The following SCNN1B variants were observed in gnomAD, a reference collection of about 807,000 sequenced individuals.
SCNN1B encodes the protein epithelial sodium channel subunit beta.
In SCNN1B, 46 loss-of-function variants were observed where a neutral mutation model predicts 65.3. The observed-to-expected ratio is 0.70, with a 90% CI of 0.56 to 0.90. The LOEUF (loss-of-function observed/expected upper bound fraction) is 0.90, where lower values mean the gene tolerates loss of function less well. Ranked by LOEUF, SCNN1B falls within the 40% of genes least tolerant of loss-of-function variation. The probability of loss-of-function intolerance (pLI) is 0.00; values close to 1 mark genes in which losing one functional copy is unlikely to be tolerated. For synonymous variants in SCNN1B, 349 were observed against 330.6 expected, an observed-to-expected ratio of 1.06 and a Z score of -0.60; for missense variants, 751 against 830.5, an observed-to-expected ratio of 0.90 and a Z score of 1.18.
chr16:23,358,887 A>G (rs116836247), intron 4 of SCNN1B, among the ~76,000 whole-genome samples: 4,675 of 152,370 alleles, frequency 0.031, 249 homozygotes, highest in African/African-American at 0.11. Context: ...CGCCTGGGCG[A>G]CAGGGGGAGA....
chr16:23,311,625 G>A (rs1388390056), intron 1 of SCNN1B, among the ~76,000 whole-genome samples: 1 of 152,186 alleles, frequency 6.6e-6, no homozygotes, highest in Non-Finnish European at 1.5e-5. Flanking sequence ...CAAGGACTAA[G>A]TTTGCACCCC....
intron 7 of SCNN1B, among the ~76,000 whole-genome samples, chr16:23,374,430 C>T (rs562987350): frequency 1.3e-5 from 2 of 148,632 alleles, no homozygotes; most frequent in East Asian, 2.0e-4. Context: ...AAAAATCAGC[C>T]GGGGGTGGTG....
chr16:23,367,320 CAG>C (rs527548172), intron 4 of SCNN1B, among the ~76,000 whole-genome samples: 44 of 152,242 alleles, frequency 2.9e-4, no homozygotes, highest in African/African-American at 1.0e-3. Flanking sequence ...GTTTTAGAGA[CAG>C]GGTCTCACTC....
chr16:23,301,534 A>C (rs546092777), upstream of SCNN1B, among the ~76,000 whole-genome samples: 1 of 152,352 alleles, frequency 6.6e-6, no homozygotes, highest in African/African-American at 2.4e-5. Context: ...GGAGAAATAT[A>C]CAGGAAACTA....
In SCNN1B at chr16:23,358,967, C is replaced by T. The variant is rs1596870170; in HGVS notation, c.776+3478C>T. ...AGGAATGCAAATTCAATAATTATGC[C>T]AACATTTACTGGGCCTTTCTCGTCC... On this transcript the variant is annotated intron_variant, in intron 4 of 12. Coordinates refer to ENST00000343070, the MANE Select transcript of SCNN1B (RefSeq NM_000336.3). Among the ~76,000 whole-genome samples the T allele has an allele frequency of 3.3e-5, 5 of 152,328 alleles. 1 individual carries two copies. Among genetic ancestry groups the T allele is most frequent in the Admixed American group, 3.3e-4 (5 of 15,294 alleles).
chr16:23,305,522 C>A (rs1227824054), intron 1 of SCNN1B, among the ~76,000 whole-genome samples: 1 of 1,872 alleles, frequency 5.3e-4, no homozygotes, highest in Non-Finnish European at 8.9e-4. Flanking sequence ...CCATCTCTAC[C>A]AAATATATAT....
Position 23,352,967 on chromosome 16 carries a change from C to G in SCNN1B, c.478C>G (p.His160Asp), listed in dbSNP as rs750648378. ...LVLIDERNPH[H>D]PMVLDLFGDN... ...CCTTATTGATGAACGGAACCCCCAC[C>G]ACCCCATGGTCCTTGATCTCTTTGG... The change falls in exon 3 of 13, where the codon CAC (histidine) becomes GAC (aspartate). Residue 160 changes from histidine to aspartate, a missense_variant. Physicochemically the swap from His to Asp is moderately conservative, Grantham distance 81. Transcript: ENST00000343070. The G allele has an allele frequency of 4.3e-6, 7 of 1,614,168 alleles. No homozygotes were observed. In the South Asian group the frequency reaches 7.7e-5, roughly 18 times the overall value.
intron 1 of SCNN1B, among the ~76,000 whole-genome samples, chr16:23,318,685 G>A (rs901775174): frequency 7.2e-5 from 11 of 152,200 alleles, no homozygotes; most frequent in Non-Finnish European, 1.3e-4. Flanking sequence ...TTTCAGAGTG[G>A]CTGTAAGAAG....
chr16:23,343,483 GAAGGAAGGAAGGAAGGAAGGAAGGAA>G (rs1394061307), intron 1 of SCNN1B, among the ~76,000 whole-genome samples: 25 of 96,324 alleles, frequency 2.6e-4, no homozygotes, highest in East Asian at 1.3e-3. Flanking sequence ...AGAAAGGAAG[GAAGGAAGGAAGGAAGGAAGGAAGGAA>G]AAGGAAGGAA....
intron 2 of SCNN1B, among the ~76,000 whole-genome samples, chr16:23,350,628 C>A (rs1339673586): frequency 6.6e-6 from 1 of 152,090 alleles, no homozygotes; most frequent in Non-Finnish European, 1.5e-5. Flanking sequence ...AAAAGAGAGT[C>A]CTGACCGGGC....
chr16:23,347,532 A>G (rs1337585738), intron 1 of SCNN1B, among the ~76,000 whole-genome samples: 1 of 152,246 alleles, frequency 6.6e-6, no homozygotes, highest in African/African-American at 2.4e-5. Flanking sequence ...CTGGTCACAA[A>G]AAAAGTCACC....
In SCNN1B at chr16:23,348,954, G is replaced by T. The variant is rs200926272; in HGVS notation, c.311+44G>T. ...CACAGCTGGCCTCAGCAGACAGGCG[G>T]TTCTCTTTCTCTCTTTTCTTCCCTT... On this transcript the variant is annotated intron_variant, in intron 2 of 12. Transcript: ENST00000343070. This position sits in a 1 kb window ranked among gnomAD's most constrained non-coding sequence, Gnocchi z 4.5. 1.3e-4 allele frequency: 191 copies of T among 1,513,364 alleles called. No homozygotes were observed. In the East Asian group the frequency reaches 3.5e-3, roughly 28 times the overall value. 93.7% of individuals were successfully genotyped at this position (1,513,364 alleles called of 1,614,324 possible).
intron 8 of SCNN1B, among the ~76,000 whole-genome samples, chr16:23,376,493 A>T (rs1212299536): frequency 6.6e-6 from 1 of 152,108 alleles, no homozygotes; most frequent in African/African-American, 2.4e-5. Context: ...GGAAGCCATT[A>T]GCATGATGGT....
At chr16:23,278,342 T>A (rs1368857203) in intron 1 of SCNN1B, 1 of 152,024 alleles carries the variant, frequency 6.6e-6, no homozygotes, top group Non-Finnish European at 1.5e-5. Context: ...GGGAGTGGGG[T>A]GAGTTTCACT....
intron 1 of SCNN1B, among the ~76,000 whole-genome samples, chr16:23,347,762 A>G (rs748114314): frequency 6.6e-6 from 1 of 151,918 alleles, no homozygotes; most frequent in Non-Finnish European, 1.5e-5. Flanking sequence ...ACAAAAATTC[A>G]CTGATATGGT....
chr16:23,339,852 C>T (rs952357345), intron 1 of SCNN1B, among the ~76,000 whole-genome samples: 1 of 152,098 alleles, frequency 6.6e-6, no homozygotes, highest in African/African-American at 2.4e-5. Context: ...CAGGTGTGAG[C>T]CACCGCGCCT....
At chr16:23,335,640 T>A (rs1047227312) in intron 1 of SCNN1B, among the ~76,000 whole-genome samples, 3 of 150,260 alleles carry the variant, frequency 2.0e-5, no homozygotes, top group Non-Finnish European at 4.4e-5. Context: ...AGAGACAGGG[T>A]TTTGCCATTT....
At chr16:23,355,740 G>A (rs940599534) in intron 4 of SCNN1B, among the ~76,000 whole-genome samples, 1 of 152,054 alleles carries the variant, frequency 6.6e-6, no homozygotes, top group African/African-American at 2.4e-5. Context: ...GGGAAAGTGG[G>A]ATAAGGAAGG....
chr16:23,360,208 AT>A (rs1159339057), intron 4 of SCNN1B, among the ~76,000 whole-genome samples: 2 of 136,872 alleles, frequency 1.5e-5, no homozygotes, highest in African/African-American at 5.0e-5. Context: ...AAAAAAATAA[AT>A]AAATAAATAA....
Sources: allele counts gnomAD v4.1 joint callset (sites outside exome capture counted in the v4.1 genomes callset), GRCh38; gene constraint gnomAD v4.1.1; non-coding constraint Gnocchi (gnomAD v3.1); transcripts MANE v1.5; gene names NCBI Gene and HGNC (gene_info 2026-07-23, HGNC 2026-07-21).